The following TRPM1 variants were observed in gnomAD, a reference collection of about 807,000 sequenced individuals.
The protein encoded by TRPM1 is TRPM1-203 APA Isoform, Intron 10.
Under a neutral mutation model 149.4 loss-of-function variants are expected in TRPM1, and 113 were observed. That is an observed-to-expected ratio of 0.76 (90% confidence interval 0.65 to 0.88). The LOEUF is 0.88. TRPM1 is among the 40% of genes least tolerant of loss of function. The pLI is 0.00. For missense variants in TRPM1, 1,976 were observed against 2,038.7 expected (o/e 0.97, Z 0.59); for synonymous variants, 741 against 759.5 (o/e 0.98, Z 0.40).
At position 31,031,046 on chromosome 15, in the gene TRPM1, G is replaced by A. The variant is rs369742878; in HGVS notation, c.3064C>T (p.Arg1022Ter). 95 of 1,613,966 alleles carry A rather than the reference G, an allele frequency of 5.9e-5. No individual in the cohort carries two copies. The highest frequency in any genetic ancestry group is 7.6e-5 in the Non-Finnish European group (90 of 1,180,030). Reference protein sequence around the residue: ...PEEKPSWKLARNIFYMPYWMI... With the variant: ...PEEKPSWKLA ...CAGTAGGGCATGTAGAAGATGTTTC[G>A]GGCCAGTTTCCAAGAGGGCTTCTCC... Residue 1022 changes from arginine to a stop codon, truncating the protein, a stop_gained, in exon 23 of 28, where the codon CGA (arginine) becomes TGA (stop). Transcript: ENST00000256552. LOFTEE classifies it high-confidence loss of function.
upstream of TRPM1, among the ~76,000 whole-genome samples, chr15:31,104,676 C>G (rs986703251): frequency 3.4e-5 from 5 of 148,984 alleles, no homozygotes; most frequent in African/African-American, 5.0e-5. Flanking sequence ...TCACTGCAAG[C>G]TCCGCCTCCC....
chr15:31,085,965 G>C (rs984112693), intron 1 of TRPM1, among the ~76,000 whole-genome samples: 9 of 152,176 alleles, frequency 5.9e-5, no homozygotes, highest in African/African-American at 2.2e-4. Flanking sequence ...AGGATGTCCT[G>C]GAAGGAAGAC....
chr15:31,160,957 C>T, exon 1 of TRPM1: 1 of 1,535,516 alleles, frequency 6.5e-7, no homozygotes, highest in Non-Finnish European at 8.7e-7. Flanking sequence ...TGAAGGAGCT[C>T]ATCTCTCTCA....
chr15:31,002,511 C>A lies in TRPM1; in HGVS notation c.4189G>T (p.Glu1397Ter), dbSNP rs3784589. Residue 1397 changes from glutamate (E) to a stop codon, truncating the protein, a stop_gained, in exon 28 of 28, where the codon GAA becomes TAA. Transcript: ENST00000256552. LOFTEE classifies it low-confidence loss of function (END_TRUNC). ...TTATTTAAACTTGGGGAAATAGTTT[C>A]TTCTTTTTTAGAGTCTGTCTGTCTT... ...DERQTDSKKE[E>*]TISPSLNKTD... is the part of the protein sequence containing the mutation. 0.06 allele frequency: 97,423 copies of A among 1,614,030 alleles called. 3,520 individuals carry two copies. The highest frequency in any genetic ancestry group is 0.13 in the South Asian group (11,863 of 91,082).
chr15:31,005,582 C>T (rs978272881), intron 27 of TRPM1, among the ~76,000 whole-genome samples: 3 of 152,122 alleles, frequency 2.0e-5, no homozygotes, highest in Admixed American at 2.0e-4. Context: ...TAATGATGTG[C>T]CCTGGGTTCA....
intron 1 of TRPM1, among the ~76,000 whole-genome samples, chr15:31,137,809 C>T (rs1172794746): frequency 1.3e-5 from 2 of 152,026 alleles, no homozygotes; most frequent in Non-Finnish European, 2.9e-5. Flanking sequence ...AGAAAACCAC[C>T]CCAAACTCCA....
chr15:31,129,820 C>T (rs1192798856), intron 1 of TRPM1, among the ~76,000 whole-genome samples: 1 of 152,218 alleles, frequency 6.6e-6, no homozygotes, highest in East Asian at 1.9e-4. Context: ...TGAAAGCCCA[C>T]TGTGGACCAA....
At chr15:31,077,803 G>A (rs559122814) in intron 2 of TRPM1, among the ~76,000 whole-genome samples, 4 of 152,018 alleles carry the variant, frequency 2.6e-5, no homozygotes, top group South Asian at 4.2e-4. Flanking sequence ...AGAGTGTGTC[G>A]TGATGCATGT....
At chr15:31,026,718 A>G (rs2032777838) in intron 26 of TRPM1, among the ~76,000 whole-genome samples, 197 bp downstream of exon 26, 1 of 152,210 alleles carries the variant, frequency 6.6e-6, no homozygotes, top group South Asian at 2.1e-4. Flanking sequence ...GGCTTTCCTA[A>G]TATTAATTAC....
At chr15:31,132,520 A>G (rs935604102) in intron 1 of TRPM1, among the ~76,000 whole-genome samples, 2 of 152,244 alleles carry the variant, frequency 1.3e-5, no homozygotes, top group African/African-American at 2.4e-5. Flanking sequence ...GATAACGCAT[A>G]TGAAAAAGTA....
At chr15:31,149,740 C>G (rs278355) in intron 1 of TRPM1, among the ~76,000 whole-genome samples, 17,174 of 152,022 alleles carry the variant, frequency 0.11, 1,506 homozygotes, top group African/African-American at 0.24. Context: ...AGGATGGTCT[C>G]GATCTCCTGA....
chr15:31,152,843 A>G (rs915018518), intron 1 of TRPM1, among the ~76,000 whole-genome samples: 1 of 152,086 alleles, frequency 6.6e-6, no homozygotes, highest in Admixed American at 6.5e-5. Context: ...GGGTCTCACT[A>G]TGTTGCCCAG....
At chr15:31,107,259 T>C (rs2035619191) in intron 1 of TRPM1, among the ~76,000 whole-genome samples, 1 of 152,244 alleles carries the variant, frequency 6.6e-6, no homozygotes, top group Admixed American at 6.5e-5. Context: ...TTCAGATTTT[T>C]CTGTTTCTCC....
upstream of TRPM1, among the ~76,000 whole-genome samples, chr15:31,106,151 T>C (rs1343242435): frequency 2.0e-5 from 3 of 152,006 alleles, no homozygotes; most frequent in African/African-American, 7.2e-5. Context: ...CTTTTTTTTT[T>C]TTTTGAGATG....
chr15:31,082,848 A>G (rs2034898482), intron 1 of TRPM1, among the ~76,000 whole-genome samples: 1 of 152,162 alleles, frequency 6.6e-6, no homozygotes, highest in Admixed American at 6.5e-5. Context: ...GTAGACAGCA[A>G]GTGTCAACCC....
chr15:31,026,385 A>T (rs1306653085), intron 26 of TRPM1, 114 bp from the exon 27 acceptor site: 2 of 1,311,802 alleles, frequency 1.5e-6, no homozygotes, highest in Non-Finnish European at 1.1e-6. Context: ...GCCACTCCTA[A>T]GGCAGTTCGC....
At chr15:31,076,171 G>C (rs756061083) in intron 3 of TRPM1, among the ~76,000 whole-genome samples, 3 of 152,188 alleles carry the variant, frequency 2.0e-5, no homozygotes, top group African/African-American at 7.2e-5. Flanking sequence ...GAATCTGCAG[G>C]GTGGTGTGGG....
chr15:31,122,847 T>A (rs2035898750), intron 1 of TRPM1, among the ~76,000 whole-genome samples: 1 of 152,118 alleles, frequency 6.6e-6, no homozygotes, highest in African/African-American at 2.4e-5. Context: ...ATTCAAAGGT[T>A]TATACAGAAA....
chr15:31,063,378 T>G, intron 7 of TRPM1, 86 bp from the exon 8 acceptor site: 1 of 1,536,188 alleles, frequency 6.5e-7, no homozygotes, highest in Non-Finnish European at 9.0e-7. Flanking sequence ...TGGGGAAGAG[T>G]AAAAACATTA....
Sources: allele counts gnomAD v4.1 joint callset (sites outside exome capture counted in the v4.1 genomes callset), GRCh38; gene constraint gnomAD v4.1.1; transcripts MANE v1.5; gene names NCBI Gene and HGNC (gene_info 2026-07-23, HGNC 2026-07-21).